The following FSTL1 variants were observed in gnomAD, a reference collection of about 807,000 sequenced individuals.
The protein encoded by FSTL1 is follistatin-related protein 1.
FSTL1 carries 24 observed loss-of-function variants against 45.9 expected under a neutral mutation model. That is an observed-to-expected ratio of 0.52 (90% CI 0.38 to 0.74). FSTL1 has a LOEUF of 0.74. Among genes scored for constraint, FSTL1 ranks in the 30% least tolerant of loss-of-function variants. The pLI, the probability that FSTL1 is intolerant of heterozygous loss-of-function variation, is 0.00. For synonymous variants in FSTL1, 120 were observed against 137.6 expected (o/e 0.87, Z 0.89); for missense variants, 340 against 381.8 (o/e 0.89, Z 0.91).
chr3:120,424,268 C>A (rs1376993372), intron 2 of FSTL1, among the ~76,000 whole-genome samples: 1 of 152,166 alleles, frequency 6.6e-6, no homozygotes, highest in Non-Finnish European at 1.5e-5. Context: ...TGCCACTGCA[C>A]TCCAGCCTGG....
Position 120,394,908 on chromosome 3 carries a change from C to T in FSTL1, c.*2044G>A, listed in dbSNP as rs577343279. On this transcript the variant is annotated 3_prime_UTR_variant, in exon 11 of 11. Coordinates refer to ENST00000295633, the MANE Select transcript of FSTL1 (RefSeq NM_007085.5). ...TGGATGATAACCATGTTCTAAATGA[C>T]TAGTGAAGAGACACTGTGGTTTCTT... 1 of 152,350 alleles carries T rather than the reference C, an allele frequency of 6.6e-6. No individual in the cohort carries two copies. The highest frequency in any genetic ancestry group is 2.4e-5 in the African/African-American group (1 of 41,558). The allele number at this position is 152,350 out of a possible 1,614,324, so 9.4% of individuals were successfully genotyped here. A position where few individuals can be genotyped will look rare whatever the true frequency, so the allele number is the denominator to read the frequency against.
chr3:120,450,619 C>T (rs1937871918), intron 2 of FSTL1, 65 bp downstream of exon 2: 1 of 1,150,504 alleles, frequency 8.7e-7, no homozygotes, highest in Non-Finnish European at 1.2e-6. Context: ...GCGCGCCCAC[C>T]CGCCCAGCGC....
intron 3 of FSTL1, among the ~76,000 whole-genome samples, chr3:120,413,313 G>A (rs563253931): frequency 6.6e-6 from 1 of 152,192 alleles, no homozygotes; most frequent in South Asian, 2.1e-4. Flanking sequence ...ATTATGGAGT[G>A]CTCACTATGT....
At chr3:120,417,567 G>A (rs906629676) in intron 2 of FSTL1, among the ~76,000 whole-genome samples, 4 of 152,210 alleles carry the variant, frequency 2.6e-5, no homozygotes, top group Non-Finnish European at 4.4e-5. Context: ...ATTCCCAGAA[G>A]TCCGCGGGGA....
chr3:120,416,281 T>C (rs569133539), intron 2 of FSTL1, among the ~76,000 whole-genome samples: 3 of 152,208 alleles, frequency 2.0e-5, no homozygotes, highest in South Asian at 4.1e-4. Context: ...AGAGCAAGAG[T>C]TCCTTTCTTG....
At position 120,396,903 on chromosome 3, in the gene FSTL1, C is replaced by T. The variant is rs756384136; in HGVS notation, c.*49G>A. The T allele has an allele frequency of 2.2e-6, 3 of 1,375,214 alleles. No individual in the cohort carries two copies. The highest frequency in any genetic ancestry group is 3.1e-6 in the Non-Finnish European group (3 of 962,014). The allele number at this position is 1,375,214 out of a possible 1,614,324, so 85.2% of individuals were successfully genotyped here. A position where few individuals can be genotyped will look rare whatever the true frequency, so the allele number is the denominator to read the frequency against. ...ACACTTGTGTATACTGAACTCAGCG[C>T]TGAAGTGGAGAAGATGCTGGGATCC... is the stretch of plus-strand genomic sequence containing the variant. On this transcript the variant is annotated 3_prime_UTR_variant, in exon 11 of 11. Coordinates refer to ENST00000295633, the MANE Select transcript of FSTL1 (RefSeq NM_007085.5).
At chr3:120,404,434 CAGTT>C (rs1470959044) in intron 7 of FSTL1, among the ~76,000 whole-genome samples, 4 of 152,140 alleles carry the variant, frequency 2.6e-5, no homozygotes, top group South Asian at 2.1e-4. Context: ...ATATCTGTAA[CAGTT>C]AGGGCAATTG....
At chr3:120,441,758 C>T (rs1937630688) in intron 2 of FSTL1, among the ~76,000 whole-genome samples, 1 of 152,266 alleles carries the variant, frequency 6.6e-6, no homozygotes, top group African/African-American at 2.4e-5. Flanking sequence ...ACACTGCACA[C>T]TGTGTGCCAA....
At chr3:120,418,450 CCTT>C (rs1937223905) in intron 2 of FSTL1, among the ~76,000 whole-genome samples, 1 of 152,276 alleles carries the variant, frequency 6.6e-6, no homozygotes, top group East Asian at 1.9e-4. Flanking sequence ...TTCAATAACT[CCTT>C]AAGTTAGACA....
At chr3:120,434,941 A>C (rs2107668217) in intron 2 of FSTL1, among the ~76,000 whole-genome samples, 1 of 152,336 alleles carries the variant, frequency 6.6e-6, no homozygotes, top group African/African-American at 2.4e-5. Flanking sequence ...AAAAACAGCC[A>C]GGCACGGTGG....
intron 2 of FSTL1, among the ~76,000 whole-genome samples, chr3:120,444,719 T>C (rs1311418886): frequency 6.7e-6 from 1 of 150,076 alleles, no homozygotes; most frequent in Non-Finnish European, 1.5e-5. Context: ...TTAGAGAATA[T>C]AGAAAAGACT....
chr3:120,408,955 T>G (rs571508295), intron 6 of FSTL1, among the ~76,000 whole-genome samples: 2 of 152,354 alleles, frequency 1.3e-5, no homozygotes, highest in African/African-American at 4.8e-5. Flanking sequence ...CATTTCTCTT[T>G]GTGAAAATAG....
At chr3:120,425,665 A>G (rs1183957324) in intron 2 of FSTL1, among the ~76,000 whole-genome samples, 1 of 152,216 alleles carries the variant, frequency 6.6e-6, no homozygotes, top group Non-Finnish European at 1.5e-5. Flanking sequence ...ATGTTCCTGA[A>G]TATCAAACTT....
chr3:120,440,302 T>G (rs184979168), intron 2 of FSTL1, among the ~76,000 whole-genome samples: 378 of 152,388 alleles, frequency 2.5e-3, no homozygotes, highest in Non-Finnish European at 4.3e-3. Flanking sequence ...TGAAGTGTCA[T>G]TCCAGGCACA....
Position 120,409,633 on chromosome 3 carries a change from G to A in FSTL1, c.361C>T (p.Leu121Phe), listed in dbSNP as rs372544118. Residue 121 changes from leucine to phenylalanine, a missense_variant, in exon 6 of 11, where the codon CTC becomes TTC. Coordinates refer to ENST00000295633, the MANE Select transcript of FSTL1 (RefSeq NM_007085.5). ...VVCYQSNRDE[L>F]RRRIIQWLEA... ...AGCCACTGGATGATGCGACGTCGGA[G>A]CTCATCACGGTTGGACTGATAGCAA... 4.7e-5 allele frequency: 76 copies of A among 1,613,914 alleles called. No individual in the cohort carries two copies. Among genetic ancestry groups the A allele is most frequent in the Non-Finnish European group, 5.5e-5 (65 of 1,179,882 alleles).
intron 2 of FSTL1, among the ~76,000 whole-genome samples, chr3:120,431,772 T>C (rs965521027): frequency 1.3e-5 from 2 of 152,250 alleles, no homozygotes; most frequent in African/African-American, 4.8e-5. Context: ...TAACTTGGAA[T>C]ACTTTTCAAG....
chr3:120,421,070 A>G (rs1371136678), intron 2 of FSTL1: 1 of 152,262 alleles, frequency 6.6e-6, no homozygotes, highest in East Asian at 1.9e-4. Flanking sequence ...TTAAGTCTGA[A>G]CATAAAATAC....
chr3:120,401,910 C>T (rs933888725), intron 9 of FSTL1, among the ~76,000 whole-genome samples: 3 of 152,312 alleles, frequency 2.0e-5, no homozygotes, highest in Middle Eastern at 3.4e-3. Flanking sequence ...TGAAACTTTT[C>T]GGCCTGGTTC....
At chr3:120,399,806 G>C in intron 10 of FSTL1, 77 bp downstream of exon 10, 8 of 911,600 alleles carry the variant, frequency 8.8e-6, no homozygotes, top group Non-Finnish European at 1.4e-5. Context: ...GTCTCCTGGG[G>C]CACTGGGCAG....
Sources: allele counts gnomAD v4.1 joint callset (sites outside exome capture counted in the v4.1 genomes callset), GRCh38; gene constraint gnomAD v4.1.1; transcripts MANE v1.5; gene names NCBI Gene and HGNC (gene_info 2026-07-23, HGNC 2026-07-21).